FARS2: variants seen among roughly 807,000 people sequenced by gnomAD.
FARS2 encodes the protein phenylalanyl-tRNA synthetase 2, mitochondrial.
Under a neutral mutation model 46.4 loss-of-function variants are expected in FARS2, and 40 were observed. The ratio of observed to expected loss-of-function variants is 0.86; its 90% CI spans 0.67 to 1.12. The LOEUF is 1.12. Among genes scored for constraint, FARS2 ranks in the 50% most tolerant of loss-of-function variants. FARS2 has a pLI of 0.00. For missense variants in FARS2, 513 were observed against 567.9 expected (o/e 0.90, Z 0.98); for synonymous variants, 234 against 214.9 (o/e 1.09, Z -0.78).
intron 6 of FARS2, among the ~76,000 whole-genome samples, chr6:5,713,832 G>A (rs780001690): frequency 6.6e-6 from 1 of 152,232 alleles, no homozygotes; most frequent in Non-Finnish European, 1.5e-5. Context: ...CCCCAGCCAA[G>A]TGGCAGCCCC....
At chr6:5,381,909 A>G (rs1389499542) in intron 2 of FARS2, among the ~76,000 whole-genome samples, 1 of 152,186 alleles carries the variant, frequency 6.6e-6, no homozygotes, top group Non-Finnish European at 1.5e-5. Flanking sequence ...GAGGGCTGGG[A>G]GCATTCCTAA....
chr6:5,269,068 G>T (rs912163753), intron 1 of FARS2, among the ~76,000 whole-genome samples: 1 of 152,150 alleles, frequency 6.6e-6, no homozygotes, highest in Non-Finnish European at 1.5e-5. Context: ...GTTCACAATA[G>T]CAAAGACTTG....
chr6:5,642,583 A>C (rs1489915720), intron 6 of FARS2, among the ~76,000 whole-genome samples: 2 of 152,190 alleles, frequency 1.3e-5, no homozygotes, highest in African/African-American at 2.4e-5. Flanking sequence ...AATCTAACCC[A>C]GCATCTCAGG....
At chr6:5,375,868 A>G (rs1442016575) in intron 2 of FARS2, among the ~76,000 whole-genome samples, 1 of 152,148 alleles carries the variant, frequency 6.6e-6, no homozygotes, top group Non-Finnish European at 1.5e-5. Flanking sequence ...CTTTTGGAAG[A>G]AAATATAGGA....
intron 1 of FARS2, among the ~76,000 whole-genome samples, chr6:5,266,113 A>G (rs1259039182): frequency 6.6e-6 from 1 of 152,134 alleles, no homozygotes; most frequent in Non-Finnish European, 1.5e-5. Context: ...TAAGATGGCT[A>G]CTGTAGGTGG....
chr6:5,748,176 G>C (rs561727998), intron 6 of FARS2, among the ~76,000 whole-genome samples: 1 of 152,260 alleles, frequency 6.6e-6, no homozygotes, highest in East Asian at 1.9e-4. Flanking sequence ...GTGGGAGCAG[G>C]AATCTGCTTC....
intron 5 of FARS2, among the ~76,000 whole-genome samples, chr6:5,561,021 C>T (rs930461243): frequency 6.6e-6 from 1 of 152,088 alleles, no homozygotes; most frequent in African/African-American, 2.4e-5. Flanking sequence ...ATCCCAGCTA[C>T]TTGGGAGGCT....
At position 5,613,260 on chromosome 6, in the gene FARS2, G is replaced by A. The variant is rs778309551; in HGVS notation, c.1157G>A (p.Arg386Gln). Reference protein sequence around the residue: ...YAENDFYDLVRTIGGDLVEKV... With the variant: ...YAENDFYDLVQTIGGDLVEKV... The stretch of plus-strand genomic sequence containing the variant: ...GAAAATGATTTCTATGACTTAGTCC[G>A]AACAATTGGAGGAGACCTGGTGGAA... The change falls in exon 6 of 7, where the codon CGA becomes CAA. Residue 386 changes from arginine (R) to glutamine (Q), a missense_variant. Coordinates refer to ENST00000274680, the MANE Select transcript of FARS2 (RefSeq NM_006567.5). 5.6e-6 allele frequency: 9 copies of A among 1,613,244 alleles called. No homozygotes were observed. In the East Asian group the frequency reaches 6.7e-5, roughly 12 times the overall value.
At chr6:5,761,813 A>T (rs1254550253) in intron 6 of FARS2, among the ~76,000 whole-genome samples, 1 of 151,804 alleles carries the variant, frequency 6.6e-6, no homozygotes, top group Non-Finnish European at 1.5e-5. Context: ...GGATCTAAAA[A>T]AAAAAAAAAA....
chr6:5,638,703 G>A (rs972122005), intron 6 of FARS2, among the ~76,000 whole-genome samples: 8 of 152,226 alleles, frequency 5.3e-5, no homozygotes, highest in Non-Finnish European at 7.3e-5. Flanking sequence ...TGGCTCAACC[G>A]CTGTGGGGTC....
intron 5 of FARS2, among the ~76,000 whole-genome samples, chr6:5,612,179 G>C (rs1328789828): frequency 6.6e-6 from 1 of 152,214 alleles, no homozygotes; most frequent in Non-Finnish European, 1.5e-5. Flanking sequence ...TTTCAAGTTG[G>C]ATAATCATTT....
rs139455845 is a variant in FARS2 at position 5,585,822 on chromosome 6, T to A, written c.1066-27347T>A. Among the ~76,000 whole-genome samples the A allele has an allele frequency of 9.6e-4, 146 of 152,286 alleles. 1 individual carries two copies. The East Asian group carries it at 0.026, about 27-fold the overall frequency. Reference sequence around the variant, plus strand: ...TCTTTATTCATTTATCAATGATACTTAGGCTGTTTCCACATATTAGCTAGT... The same window carrying A: ...TCTTTATTCATTTATCAATGATACTAAGGCTGTTTCCACATATTAGCTAGT... On this transcript the variant is annotated intron_variant, in intron 5 of 6. Transcript: ENST00000274680.
At chr6:5,655,975 A>G (rs1253802828) in intron 6 of FARS2, among the ~76,000 whole-genome samples, 2 of 152,244 alleles carry the variant, frequency 1.3e-5, no homozygotes, top group African/African-American at 4.8e-5. Context: ...AACAGTTGGG[A>G]AATGATTAAA....
chr6:5,618,700 ATTTAGAACC>A (rs1450805123), intron 6 of FARS2, among the ~76,000 whole-genome samples: 1 of 152,230 alleles, frequency 6.6e-6, no homozygotes, highest in Non-Finnish European at 1.5e-5. Flanking sequence ...CCAGCCAGTC[ATTTAGAACC>A]TTCTCCCAGA....
At chr6:5,478,494 G>A (rs1009388131) in intron 4 of FARS2, among the ~76,000 whole-genome samples, 1 of 152,220 alleles carries the variant, frequency 6.6e-6, no homozygotes, top group African/African-American at 2.4e-5. Context: ...CATGGCAGAA[G>A]CATGAGTAGA....
chr6:5,569,675 A>T (rs1171651322), intron 5 of FARS2, among the ~76,000 whole-genome samples: 1 of 152,196 alleles, frequency 6.6e-6, no homozygotes, highest in Non-Finnish European at 1.5e-5. Context: ...TCAGGCCAAG[A>T]TAGAAGTGAG....
intron 6 of FARS2, among the ~76,000 whole-genome samples, chr6:5,722,672 C>T (rs1759988869): frequency 6.6e-6 from 1 of 152,128 alleles, no homozygotes; most frequent in Non-Finnish European, 1.5e-5. Flanking sequence ...AAGGGCTACA[C>T]TGATCGGGCC....
At chr6:5,386,750 A>T (rs1760158181) in intron 2 of FARS2, among the ~76,000 whole-genome samples, 1 of 152,272 alleles carries the variant, frequency 6.6e-6, no homozygotes, top group East Asian at 1.9e-4. Flanking sequence ...AGGAAGAGAA[A>T]TGTGTTTTGG....
intron 1 of FARS2, among the ~76,000 whole-genome samples, chr6:5,273,417 T>A (rs1043479315): frequency 6.6e-6 from 1 of 152,204 alleles, no homozygotes; most frequent in Non-Finnish European, 1.5e-5. Context: ...TGATGATTAG[T>A]GATGTTGAGC....
Sources: allele counts gnomAD v4.1 joint callset (sites outside exome capture counted in the v4.1 genomes callset), GRCh38; gene constraint gnomAD v4.1.1; transcripts MANE v1.5; gene names NCBI Gene and HGNC (gene_info 2026-07-23, HGNC 2026-07-21).